Variants in SAMD12 observed in about 807,000 individuals in gnomAD.
The protein encoded by SAMD12 is sterile alpha motif domain-containing protein 12.
SAMD12 carries 9 observed loss-of-function variants against 15.0 expected under a neutral mutation model. The ratio of observed to expected loss-of-function variants is 0.60; its 90% CI spans 0.36 to 1.05. The LOEUF (loss-of-function observed/expected upper bound fraction) is 1.05, where lower values mean the gene tolerates loss of function less well. Among genes scored for constraint, SAMD12 ranks in the 50% least tolerant of loss-of-function variants. The pLI is 0.01. For missense variants in SAMD12, 230 were observed against 234.2 expected, an observed-to-expected ratio of 0.98 and a Z score of 0.12; for synonymous variants, 86 against 90.1, an observed-to-expected ratio of 0.96 and a Z score of 0.25.
chr8:118,444,040 C>G (rs1432151331), intron 2 of SAMD12, among the ~76,000 whole-genome samples: 1 of 152,176 alleles, frequency 6.6e-6, no homozygotes, highest in Non-Finnish European at 1.5e-5. Context: ...CACCTACACT[C>G]TCTTCACAGC....
intron 4 of SAMD12, among the ~76,000 whole-genome samples, chr8:118,304,922 A>T (rs7819713): frequency 6.6e-6 from 1 of 151,058 alleles, no homozygotes; most frequent in African/African-American, 2.4e-5. Context: ...GCTGAGGCGG[A>T]TGCATCACTT....
chr8:118,243,428 C>T (rs1812617457), intron 4 of SAMD12, among the ~76,000 whole-genome samples: 1 of 151,550 alleles, frequency 6.6e-6, no homozygotes, highest in Admixed American at 6.6e-5. Flanking sequence ...ACCTGAGATG[C>T]AAAAAGATAA....
intron 1 of SAMD12, among the ~76,000 whole-genome samples, chr8:118,620,243 CGA>C (rs1828358823): frequency 6.6e-6 from 1 of 151,970 alleles, no homozygotes; most frequent in African/African-American, 2.4e-5. Context: ...GTGGTGAAGA[CGA>C]GAGATCATAA....
chr8:118,547,653 T>C (rs893014924), intron 2 of SAMD12, among the ~76,000 whole-genome samples: 1 of 152,180 alleles, frequency 6.6e-6, no homozygotes, highest in Non-Finnish European at 1.5e-5. Context: ...TCTTGAAAGG[T>C]AGGGTGAGAG....
chr8:118,578,203 ACAGG>A, intron 2 of SAMD12, among the ~76,000 whole-genome samples: 1 of 152,148 alleles, frequency 6.6e-6, no homozygotes, highest in African/African-American at 2.4e-5. Context: ...ATAAATACAT[ACAGG>A]TCTTCTACAT....
At chr8:118,564,261 T>C (rs138617241) in intron 2 of SAMD12, among the ~76,000 whole-genome samples, 53 of 142,580 alleles carry the variant, frequency 3.7e-4, no homozygotes, top group African/African-American at 7.0e-4. Flanking sequence ...TAAAACAATA[T>C]TTACCTCTAA....
At position 118,483,042 on chromosome 8, in the gene SAMD12, AT is replaced by A. The variant is rs1197886508; in HGVS notation, c.193-43082del. 2.0e-5 allele frequency among the ~76,000 whole-genome samples: 3 copies of A among 152,228 alleles called. No individual in the cohort carries two copies. The South Asian group carries it at 6.2e-4, about 32-fold the overall frequency. On this transcript the variant is annotated intron_variant, in intron 2 of 3. Coordinates refer to ENST00000314727, the MANE Select transcript of SAMD12 (RefSeq NM_207506.3). ...TATCTGATCTTTGCCATCCATCTCA[AT>A]CTAAAAAAATTTCAGGTGCAAATAT...
chr8:118,248,520 A>G (rs942311124), intron 4 of SAMD12, among the ~76,000 whole-genome samples: 18 of 152,156 alleles, frequency 1.2e-4, no homozygotes, highest in Admixed American at 1.1e-3. Flanking sequence ...GATGTCTGCC[A>G]TGGGCACAGA....
intron 2 of SAMD12, among the ~76,000 whole-genome samples, chr8:118,573,037 T>C (rs1827060888): frequency 1.3e-5 from 2 of 152,136 alleles, no homozygotes; most frequent in South Asian, 4.1e-4. Flanking sequence ...TGTGAAGAGG[T>C]ACCTTCACCA....
At chr8:118,531,114 G>A (rs965134448) in intron 2 of SAMD12, among the ~76,000 whole-genome samples, 3 of 152,196 alleles carry the variant, frequency 2.0e-5, no homozygotes, top group East Asian at 1.9e-4. Context: ...TGTAAGGTGT[G>A]AGGAAGGGAT....
chr8:118,365,227 C>A (rs533184914), intron 4 of SAMD12, among the ~76,000 whole-genome samples: 1 of 152,158 alleles, frequency 6.6e-6, no homozygotes, highest in East Asian at 1.9e-4. Flanking sequence ...TGGAACACAC[C>A]AAACTTCTTC....
rs560821002 is a variant in SAMD12, at chr8:118,591,330, T to C, written c.14-10437A>G. ...TTGAAATCCAAGCTCTACCATTTTC[T>C]TACAATATATTTTCAAGCATGGGCA... On this transcript the variant is annotated intron_variant, in intron 1 of 3. Transcript: ENST00000314727. Among the ~76,000 whole-genome samples, 31 of 152,340 alleles carry C rather than the reference T, an allele frequency of 2.0e-4. No homozygotes were observed. The East Asian group carries it at 5.6e-3, about 27-fold the overall frequency.
intron 4 of SAMD12, among the ~76,000 whole-genome samples, chr8:118,317,091 C>T (rs1026253013): frequency 4.6e-5 from 7 of 152,122 alleles, no homozygotes; most frequent in Admixed American, 2.0e-4. Context: ...TATGAGGACA[C>T]AGGGAGAAGA....
chr8:118,436,618 T>G (rs570112476), intron 3 of SAMD12, among the ~76,000 whole-genome samples: 3 of 152,308 alleles, frequency 2.0e-5, no homozygotes, highest in African/African-American at 7.2e-5. Context: ...ACAGCAGCAC[T>G]CAGGAGAATC....
chr8:118,177,860 G>C, the SAMD12 span, among the ~76,000 whole-genome samples: 7 of 152,218 alleles, frequency 4.6e-5, no homozygotes, highest in South Asian at 1.0e-3. Flanking sequence ...GGGCAAGTGT[G>C]TGGTAGGAAG....
At chr8:118,305,686 AAGGTCCCAGTGATTACTAATCTATCC>A (rs1169125872) in intron 4 of SAMD12, among the ~76,000 whole-genome samples, 1 of 152,128 alleles carries the variant, frequency 6.6e-6, no homozygotes, top group African/African-American at 2.4e-5. Context: ...AATGTCTAGA[AAGGTCCCAGTGATTACTAATCTATCC>A]AGGTCCACAA....
At chr8:118,312,190 T>C (rs915911853) in intron 4 of SAMD12, among the ~76,000 whole-genome samples, 3 of 152,210 alleles carry the variant, frequency 2.0e-5, no homozygotes, top group Admixed American at 2.0e-4. Flanking sequence ...CACCCTGCAG[T>C]GCTCTCTTAA....
Position 118,289,171 on chromosome 8 carries a change from G to A in SAMD12, c.433+90389C>T, listed in dbSNP as rs138624903. 6.6e-3 allele frequency among the ~76,000 whole-genome samples: 1,009 copies of A among 152,212 alleles called. 14 individuals are homozygous for A. The highest frequency in any genetic ancestry group is 0.023 in the African/African-American group (962 of 41,508). ...GACAGTCATCTCAGCAGTTTCATTT[G>A]GTGGAGTAAACCAGTCAAACCCCAT... On this transcript the variant is annotated intron_variant, in intron 4 of 4. Coordinates refer to the SAMD12 transcript ENST00000409003.
At chr8:118,271,504 T>C (rs1255110484) in intron 4 of SAMD12, among the ~76,000 whole-genome samples, 1 of 152,062 alleles carries the variant, frequency 6.6e-6, no homozygotes, top group Non-Finnish European at 1.5e-5. Context: ...AATAGAAACA[T>C]ATCCTTTCAA....
Sources: allele counts gnomAD v4.1 joint callset (sites outside exome capture counted in the v4.1 genomes callset), GRCh38; gene constraint gnomAD v4.1.1; transcripts MANE v1.5; gene names NCBI Gene and HGNC (gene_info 2026-07-23, HGNC 2026-07-21).